Variants in COMMD1 observed in about 807,000 individuals in gnomAD.
COMMD1 encodes copper metabolism domain containing 1.
In COMMD1, 10 loss-of-function variants were observed where a neutral mutation model predicts 17.2. The ratio of observed to expected loss-of-function variants is 0.58; its 90% CI spans 0.36 to 0.99. The LOEUF is 0.99. COMMD1 is among the 50% of genes least tolerant of loss of function. The pLI, the probability that COMMD1 is intolerant of heterozygous loss-of-function variation, is 0.01. For missense variants in COMMD1, 270 were observed against 231.8 expected (o/e 1.17, Z -1.07); for synonymous variants, 97 against 91.6 (o/e 1.06, Z -0.34).
chr2:61,996,479 C>T (rs1164647722), intron 1 of COMMD1, among the ~76,000 whole-genome samples: 1 of 151,996 alleles, frequency 6.6e-6, no homozygotes, highest in African/African-American at 2.4e-5. Flanking sequence ...TTGTTGCATC[C>T]GTGGACTCTC....
Position 62,054,287 on chromosome 2 carries a change from G to A in COMMD1, c.462+53305G>A, listed in dbSNP as rs147626362. On this transcript the variant is annotated intron_variant, in intron 2 of 2. Coordinates refer to ENST00000311832, the MANE Select transcript of COMMD1 (RefSeq NM_152516.4). ...GGAGATAATGCCAAGATAGTATGAA[G>A]TTATCTCAAAGAACTAAAAATGGAA... Among the ~76,000 whole-genome samples the A allele has an allele frequency of 5.0e-3, 754 of 152,246 alleles. 8 individuals carry two copies. Among genetic ancestry groups the A allele is most frequent in the Middle Eastern group, 0.044 (13 of 294 alleles).
intron 1 of COMMD1, among the ~76,000 whole-genome samples, chr2:61,959,927 T>C (rs991553879): frequency 8.5e-5 from 13 of 152,222 alleles, no homozygotes; most frequent in African/African-American, 3.1e-4. Flanking sequence ...TTTTACACTT[T>C]ACCCGATTGG....
intron 2 of COMMD1, among the ~76,000 whole-genome samples, chr2:62,019,087 T>A: frequency 8.0e-6 from 1 of 124,888 alleles, no homozygotes; most frequent in African/African-American, 3.1e-5. Flanking sequence ...TCTCTCTTTC[T>A]TTCTCTCTCT....
At chr2:61,905,617 C>A, upstream of COMMD1, 1 of 1,456,352 alleles carries the variant, frequency 6.9e-7, no homozygotes, top group Non-Finnish European at 9.1e-7. Context: ...GCTATTTAGG[C>A]ACATCTCGGC....
chr2:61,915,595 TC>T, intron 1 of COMMD1: 1 of 387,066 alleles, frequency 2.6e-6, no homozygotes. Flanking sequence ...GCTCCAATGA[TC>T]CTCCCACCTC....
chr2:62,001,228 C>T, intron 2 of COMMD1: 1 of 488,446 alleles, frequency 2.0e-6, no homozygotes, highest in East Asian at 3.8e-5. Flanking sequence ...TGTGATTGCT[C>T]AGAAGCTGAC....
chr2:62,089,833 G>A (rs1284499921), intron 2 of COMMD1, among the ~76,000 whole-genome samples: 2 of 152,146 alleles, frequency 1.3e-5, no homozygotes, highest in African/African-American at 4.8e-5. Context: ...TGGCCAAAAA[G>A]CATTCCTCAG....
At chr2:62,071,787 TAGGA>T (rs918276458) in intron 2 of COMMD1, among the ~76,000 whole-genome samples, 4 of 152,302 alleles carry the variant, frequency 2.6e-5, no homozygotes, top group Non-Finnish European at 5.9e-5. Flanking sequence ...CCAGCCATGA[TAGGA>T]AGGAAGGTTG....
chr2:61,987,671 T>A lies in COMMD1; in HGVS notation c.181-13030T>A, dbSNP rs527327674. On this transcript the variant is annotated intron_variant, in intron 1 of 2. Transcript: ENST00000311832. Reference sequence around the variant, plus strand: ...GTACTGGGTCTTGCCCAAGGCCCACTGTAACCACTACCTGGCTACCGCTCA... The same window carrying A: ...GTACTGGGTCTTGCCCAAGGCCCACAGTAACCACTACCTGGCTACCGCTCA... 1.2e-4 allele frequency among the ~76,000 whole-genome samples: 19 copies of A among 152,276 alleles called. No homozygotes were observed. In the South Asian group the frequency reaches 2.9e-3, roughly 23 times the overall value.
chr2:62,006,826 A>T (rs1669134800), intron 2 of COMMD1, among the ~76,000 whole-genome samples: 1 of 152,188 alleles, frequency 6.6e-6, no homozygotes, highest in Admixed American at 6.5e-5. Context: ...TTATGATAGA[A>T]GTGTTTTCTT....
intron 2 of COMMD1, chr2:62,070,424 G>A (rs1671167149): frequency 6.6e-6 from 1 of 151,806 alleles, no homozygotes; most frequent in Admixed American, 6.6e-5. Context: ...CAGGCATGGT[G>A]ATGCTTTCCT....
intron 1 of COMMD1, among the ~76,000 whole-genome samples, chr2:61,930,380 A>G (rs1431924395): frequency 5.3e-5 from 8 of 152,048 alleles, no homozygotes. Context: ...ACATGGTGAA[A>G]CCCCATCTCT....
chr2:62,085,433 G>C (rs1330824546), intron 2 of COMMD1, among the ~76,000 whole-genome samples: 1 of 151,826 alleles, frequency 6.6e-6, no homozygotes, highest in East Asian at 2.0e-4. Flanking sequence ...TAGCCAGAAT[G>C]GTCTCAATCT....
intron 2 of COMMD1, among the ~76,000 whole-genome samples, chr2:62,016,863 T>C (rs1487581234): frequency 6.6e-6 from 1 of 152,218 alleles, no homozygotes; most frequent in Non-Finnish European, 1.5e-5. Flanking sequence ...GCTTAGGTCT[T>C]TGATCCACTC....
chr2:62,000,408 A>T (rs1668895843), intron 1 of COMMD1, among the ~76,000 whole-genome samples: 1 of 151,456 alleles, frequency 6.6e-6, no homozygotes, highest in African/African-American at 2.4e-5. Flanking sequence ...AGTAGCTGAG[A>T]TTACTGAGAT....
At chr2:61,957,878 A>G (rs961946976) in intron 1 of COMMD1, among the ~76,000 whole-genome samples, 21 of 152,230 alleles carry the variant, frequency 1.4e-4, no homozygotes, top group African/African-American at 4.8e-4. Context: ...CTCATGGAAT[A>G]ACCCTAAGTG....
intron 2 of COMMD1, among the ~76,000 whole-genome samples, chr2:62,129,361 G>A (rs1672964841): frequency 1.3e-5 from 2 of 152,174 alleles, no homozygotes; most frequent in Admixed American, 6.6e-5. Context: ...GACAGAGAAG[G>A]GAAGATAATG....
At chr2:61,962,097 G>A (rs1671356583) in intron 1 of COMMD1, among the ~76,000 whole-genome samples, 2 of 152,224 alleles carry the variant, frequency 1.3e-5, no homozygotes, top group Non-Finnish European at 2.9e-5. Context: ...TTGATTAGAG[G>A]CCTTGTGAGT....
At chr2:62,115,441 G>A (rs1013067276) in intron 2 of COMMD1, among the ~76,000 whole-genome samples, 1 of 152,196 alleles carries the variant, frequency 6.6e-6, no homozygotes, top group African/African-American at 2.4e-5. Flanking sequence ...GGCCTTGAAA[G>A]ATACATGAGA....
Sources: gnomAD v4.1 joint callset for allele counts (sites outside exome capture counted in the v4.1 genomes callset) on GRCh38, gnomAD v4.1.1 for gene constraint, MANE v1.5 for transcripts, NCBI Gene and HGNC (gene_info 2026-07-23, HGNC 2026-07-21) for gene names.